Variants in ABCA2 observed in about 807,000 individuals in gnomAD.
The protein encoded by ABCA2 is ATP binding cassette subfamily A member 2.
ABCA2 carries 84 observed loss-of-function variants against 262.8 expected under a neutral mutation model. That is an observed-to-expected ratio of 0.32 (90% CI 0.27 to 0.38). The LOEUF (loss-of-function observed/expected upper bound fraction) is 0.38, where lower values mean the gene tolerates loss of function less well. ABCA2 is among the 10% of genes least tolerant of loss of function. The pLI, the probability that ABCA2 is intolerant of heterozygous loss-of-function variation, is 1.00. For missense variants in ABCA2, 2,662 were observed against 3,405.9 expected, an observed-to-expected ratio of 0.78 and a Z score of 5.44; for synonymous variants, 1,696 against 1,502.9, an observed-to-expected ratio of 1.13 and a Z score of -2.97.
At chr9:137,023,628 C>G in intron 3 of ABCA2, 1 of 705,348 alleles carries the variant, frequency 1.4e-6, no homozygotes, top group Non-Finnish European at 2.6e-6. Flanking sequence ...CAGGCACCAG[C>G]TGTGCCTTTA....
chr9:137,018,202 G>C lies in ABCA2; in HGVS notation c.1969C>G (p.Leu657Val). 1 of 1,611,996 alleles carries C rather than the reference G, an allele frequency of 6.2e-7. No homozygotes were observed. Residue 657 changes from leucine to valine, a missense_variant, in exon 14 of 49, where the codon CTC becomes GTC. Transcript: ENST00000341511. ...GPNTGGRFYF[L>V]YGFVWIQDMM... is the part of the protein sequence containing the mutation. ...CCCTGGATCCAGACGAAGCCGTAGAGGAAGTAGAAGCGGCCGCCAGTATTG... is the reference window on the plus strand; with the variant it reads ...CCCTGGATCCAGACGAAGCCGTAGACGAAGTAGAAGCGGCCGCCAGTATTG...
intron 22 of ABCA2, 22 bp from the exon 23 acceptor site, chr9:137,015,893 T>A: frequency 6.2e-7 from 1 of 1,607,392 alleles, no homozygotes; most frequent in South Asian, 1.1e-5. Flanking sequence ...AGGTGGGGCA[T>A]GGGGCTGCTG....
In ABCA2 at chr9:137,020,694, C is replaced by T; in HGVS notation, c.1265G>A (p.Arg422His). The T allele has an allele frequency of 6.3e-7, 1 of 1,599,464 alleles. No homozygotes were observed. Among genetic ancestry groups the T allele is most frequent in the Non-Finnish European group, 8.5e-7 (1 of 1,179,466 alleles). Reference sequence around the variant, plus strand: ...CCCCATTCCCCTGCCGCCCACCTACCGGTTGTTGCCACACAAGATGGGCTG... The same window carrying T: ...CCCCATTCCCCTGCCGCCCACCTACTGGTTGTTGCCACACAAGATGGGCTG... ...GLQPILCGNN[R>H]TIEPEALRRG... Residue 422 changes from arginine to histidine, a missense_variant and splice_region_variant, in exon 9 of 49, where the codon CGC becomes CAC. By Grantham distance (29) the Arg-to-His change is conservative. This residue lies in a region of ABCA2 where 92 missense variants were observed against 146.7 expected (regional missense o/e 0.63). Transcript: ENST00000341511.
rs1386506724 is a variant in ABCA2, at chr9:137,008,785, C to T, written c.7014G>A (p.Val2338=). 1.2e-6 allele frequency: 2 copies of T among 1,601,500 alleles called. No homozygotes were observed. Among genetic ancestry groups the T allele is most frequent in the Non-Finnish European group, 1.7e-6 (2 of 1,176,436 alleles). The change falls in exon 47 of 49, where the codon GTG becomes GTA. Residue 2338 remains valine (V), a synonymous_variant. Coordinates refer to ENST00000341511, the MANE Select transcript of ABCA2 (RefSeq NM_001606.5). The part of the protein sequence containing the change: ...LAQVFSKMEQ[V]SGVLGIEDYS... ...AGTCCTCGATGCCCAGCACGCCAGA[C>T]ACCTGCTCCATCTTGCTGAACACCT...
At position 137,008,368 on chromosome 9, in the gene ABCA2, G is replaced by T. The variant is rs142995016; in HGVS notation, c.7275+48C>A. ...CGCGGCTGGAGCCACCAGGCAGCCT[G>T]GGTCCAGTGGGCAGAGCCCTGGACA... On this transcript the variant is annotated intron_variant, in intron 48 of 48. Coordinates refer to ENST00000341511, the MANE Select transcript of ABCA2 (RefSeq NM_001606.5). 798 of 1,542,626 alleles carry T rather than the reference G, an allele frequency of 5.2e-4. 12 individuals are homozygous for T. In the East Asian group the frequency reaches 0.018, roughly 35 times the overall value.
intron 9 of ABCA2, 64 bp downstream of exon 9, chr9:137,020,630 A>G: frequency 7.0e-6 from 11 of 1,579,634 alleles, no homozygotes; most frequent in Non-Finnish European, 9.4e-6. Flanking sequence ...CAGAGCCTAG[A>G]TTCAGGGCTC....
chr9:137,009,112 C>T, intron 45 of ABCA2, 59 bp from the exon 46 acceptor site: 1 of 1,527,244 alleles, frequency 6.5e-7, no homozygotes, highest in South Asian at 1.1e-5. Context: ...CCCCAGCCCC[C>T]CAGCCTCCCA....
Position 137,016,528 on chromosome 9 carries a change from C to T in ABCA2, c.2923+46G>A, listed in dbSNP as rs1314133746. ...GGCGGCGCCAAGGCCACCCAGGACT[C>T]TGAACCCAGCGCCCACCCCAGCCAC... is the stretch of plus-strand genomic sequence containing the variant. On this transcript the variant is annotated intron_variant, in intron 20 of 48. Transcript: ENST00000341511. 9.9e-6 allele frequency: 16 copies of T among 1,612,328 alleles called. No individual in the cohort carries two copies. In the East Asian group the frequency reaches 3.6e-4, roughly 36 times the overall value.
intron 18 of ABCA2, 28 bp from the exon 19 acceptor site, chr9:137,017,152 G>T (rs750660722): frequency 6.2e-7 from 1 of 1,611,686 alleles, no homozygotes; most frequent in Non-Finnish European, 8.5e-7. Context: ...TCAGCACGTG[G>T]GGTGGCCCGG....
chr9:137,018,483 A>C (rs1457156224), intron 13 of ABCA2, 132 bp from the exon 14 acceptor site: 2 of 276,710 alleles, frequency 7.2e-6, no homozygotes, highest in Non-Finnish European at 1.2e-5. Context: ...AAGGTGGGAC[A>C]GGGCTGGGGT....
Position 137,007,677 on chromosome 9 carries a change from G to A in ABCA2, c.*252C>T, listed in dbSNP as rs1351283095. ...GGCGAGGGGCCGGGCAGACCCCGAG[G>A]CTTTAAGGCAAAGCAGGGCAAGGGT... On this transcript the variant is annotated 3_prime_UTR_variant, in exon 49 of 49. Coordinates refer to ENST00000341511, the MANE Select transcript of ABCA2 (RefSeq NM_001606.5). 6 of 582,442 alleles carry A rather than the reference G, an allele frequency of 1.0e-5. No individual in the cohort carries two copies. The highest frequency in any genetic ancestry group is 1.9e-5 in the African/African-American group (1 of 52,874). 36.1% of individuals were successfully genotyped at this position (582,442 alleles called of 1,614,324 possible). A position where few individuals can be genotyped will look rare whatever the true frequency, so the allele number is the denominator to read the frequency against.
At chr9:137,015,627 G>T in intron 23 of ABCA2, 31 bp from the exon 24 acceptor site, 2 of 1,611,602 alleles carry the variant, frequency 1.2e-6, no homozygotes, top group East Asian at 2.2e-5. Flanking sequence ...GGGTCAGGGG[G>T]CAGGGGAGGC....
At position 137,007,889 on chromosome 9, in the gene ABCA2, G is replaced by A. The variant is rs1830888568; in HGVS notation, c.*40C>T. On this transcript the variant is annotated 3_prime_UTR_variant, in exon 49 of 49. Coordinates refer to ENST00000341511, the MANE Select transcript of ABCA2 (RefSeq NM_001606.5). ...TTGAGTCCCTGGCCCAGCTCTGGGTGGTCAGTGGAGCGTGTCCTCCCTGGC... is the reference window on the plus strand; with the variant it reads ...TTGAGTCCCTGGCCCAGCTCTGGGTAGTCAGTGGAGCGTGTCCTCCCTGGC... The A allele has an allele frequency of 6.2e-7, 1 of 1,602,804 alleles. No individual in the cohort carries two copies. The highest frequency in any genetic ancestry group is 8.5e-7 in the Non-Finnish European group (1 of 1,179,082).
intron 45 of ABCA2, 129 bp from the exon 46 acceptor site, chr9:137,009,182 C>G: frequency 9.9e-7 from 1 of 1,008,694 alleles, no homozygotes; most frequent in Non-Finnish European, 1.4e-6. Context: ...CCCCCCAACC[C>G]CACAGCCCCC....
chr9:137,022,576 T>C (rs973044218), intron 5 of ABCA2, 98 bp from the exon 6 acceptor site: 2 of 1,558,920 alleles, frequency 1.3e-6, no homozygotes, highest in South Asian at 1.2e-5. Flanking sequence ...GCTCTGCCAC[T>C]GCAGCCTGTG....
At chr9:137,010,542 C>T (rs1278009383) in intron 40 of ABCA2, 78 bp downstream of exon 40, 2 of 1,542,014 alleles carry the variant, frequency 1.3e-6, no homozygotes. Flanking sequence ...ACCCAGGCTC[C>T]ACCTCCACTG....
In ABCA2 at chr9:137,012,490, C is replaced by A. The variant is rs1831093351; in HGVS notation, c.5182G>T (p.Ala1728Ser). The A allele has an allele frequency of 1.2e-6, 2 of 1,611,426 alleles. No individual in the cohort carries two copies. Among genetic ancestry groups the A allele is most frequent in the Non-Finnish European group, 1.7e-6 (2 of 1,179,800 alleles). ...MVRKIAVRRA[A>S]QVFYNNKGYH... ...AGGCCCGCAGCCTCGCTCACCTGGGCAGCCCTGCGCACCGCGATCTTCCGC... is the reference window on the plus strand; with the variant it reads ...AGGCCCGCAGCCTCGCTCACCTGGGAAGCCCTGCGCACCGCGATCTTCCGC... The change falls in exon 32 of 49, where the codon GCC (alanine) becomes TCC (serine). Residue 1728 changes from alanine to serine, a missense_variant. Around this residue, in one of 12 missense-constraint regions of ABCA2, gnomAD observed 602 missense variants for 897.4 expected, o/e 0.67. Transcript: ENST00000341511.
rs763810923 is a variant in ABCA2, at chr9:137,022,870, A to G, written c.276-5T>C. 3.4e-5 allele frequency: 45 copies of G among 1,338,340 alleles called. No homozygotes were observed. In the South Asian group the frequency reaches 4.6e-4, roughly 14 times the overall value. 82.9% of individuals were successfully genotyped at this position (1,338,340 alleles called of 1,614,324 possible). ...CGCTCAAGCAGCTGCGTGACCCTGC[A>G]CCATGGCGGATGTCACTCACTGGAT... On this transcript the variant is annotated splice_region_variant and splice_polypyrimidine_tract_variant and intron_variant, in intron 4 of 48. Coordinates refer to ENST00000341511, the MANE Select transcript of ABCA2 (RefSeq NM_001606.5).
chr9:137,018,256 T>C lies in ABCA2; in HGVS notation c.1915A>G (p.Ile639Val). 1 of 1,609,780 alleles carries C rather than the reference T, an allele frequency of 6.2e-7. No homozygotes were observed. The highest frequency in any genetic ancestry group is 8.5e-7 in the Non-Finnish European group (1 of 1,179,278). The change falls in exon 14 of 49, where the codon ATC becomes GTC. Residue 639 changes from isoleucine to valine, a missense_variant. Ile to Val is a conservative substitution (Grantham distance 29). This residue lies in a region of ABCA2 where 187 missense variants were observed against 205.9 expected (regional missense o/e 0.91). Transcript: ENST00000341511. The stretch of plus-strand genomic sequence containing the variant: ...CCAGGCCGCCAGTAGGCGCGGCGGA[T>C]CTCGTTGGTTTTCTCGGTGAAGCTG... ...NSSFTEKTNE[I>V]RRAYWRPGPN...
Sources: allele counts gnomAD v4.1 joint callset, GRCh38; gene constraint gnomAD v4.1.1; regional missense constraint gnomAD v4.1.1; transcripts MANE v1.5; gene names NCBI Gene and HGNC (gene_info 2026-07-23, HGNC 2026-07-21).